The following TENM3 variants were observed in gnomAD, a reference collection of about 807,000 sequenced individuals.
TENM3 encodes the protein teneurin-3.
A neutral mutation model predicts 255.1 loss-of-function variants in TENM3; 63 were observed. That is an observed-to-expected ratio of 0.25 (90% CI 0.20 to 0.30). The LOEUF (loss-of-function observed/expected upper bound fraction) is 0.30. Ranked by LOEUF, TENM3 falls within the 10% of genes least tolerant of loss-of-function variation. The pLI is 1.00. For synonymous variants in TENM3, 1,306 were observed against 1,322.3 expected, an observed-to-expected ratio of 0.99 and a Z score of 0.27; for missense variants, 2,929 against 3,461.1, an observed-to-expected ratio of 0.85 and a Z score of 3.86.
At chr4:182,694,491 AAC>A (rs1286766528) in intron 12 of TENM3, among the ~76,000 whole-genome samples, 2 of 152,332 alleles carry the variant, frequency 1.3e-5, no homozygotes, top group African/African-American at 4.8e-5. Context: ...TAATGTCTCA[AAC>A]ACAGAGTTGT....
At chr4:182,151,395 T>C (rs1750339948) in intron 1 of TENM3, among the ~76,000 whole-genome samples, 1 of 152,140 alleles carries the variant, frequency 6.6e-6, no homozygotes, top group East Asian at 1.9e-4. Context: ...ATGTTCTTTT[T>C]AAAGAGTAAC....
rs189434850 is a variant in TENM3 at position 182,776,531 on chromosome 4, A to C, written c.5304+1378A>C. On this transcript the variant is annotated intron_variant, in intron 24 of 27. Transcript: ENST00000511685. ...TGAGCTTGCTGGATAGTAAAATTTCACTGGAAAGAGGGAGGAGGGGGAAAT... is the reference window on the plus strand; with the variant it reads ...TGAGCTTGCTGGATAGTAAAATTTCCCTGGAAAGAGGGAGGAGGGGGAAAT... Among the ~76,000 whole-genome samples, 145 of 152,310 alleles carry C rather than the reference A, an allele frequency of 9.5e-4. 1 individual carries two copies. Among genetic ancestry groups the C allele is most frequent in the Middle Eastern group, 6.8e-3 (2 of 294 alleles).
At chr4:181,689,828 A>G in the TENM3 span, among the ~76,000 whole-genome samples, 3 of 152,160 alleles carry the variant, frequency 2.0e-5, no homozygotes, top group Non-Finnish European at 4.4e-5. Flanking sequence ...GGTGGCTGTC[A>G]TGGAGGTCGG....
chr4:182,497,350 C>T (rs934726545), intron 3 of TENM3, among the ~76,000 whole-genome samples: 2 of 152,170 alleles, frequency 1.3e-5, no homozygotes, highest in Non-Finnish European at 2.9e-5. Context: ...GGCACCCGGC[C>T]TCACTTACAG....
the TENM3 span, among the ~76,000 whole-genome samples, chr4:181,471,447 C>T: frequency 1.3e-5 from 2 of 152,136 alleles, 1 homozygote; most frequent in East Asian, 3.9e-4. Flanking sequence ...GTTCTCTTCC[C>T]TTCAACTACT....
the TENM3 span, among the ~76,000 whole-genome samples, chr4:181,704,066 G>C: frequency 6.6e-6 from 1 of 152,110 alleles, no homozygotes; most frequent in African/African-American, 2.4e-5. Flanking sequence ...CGGTCATTTG[G>C]CACCTTAAAG....
intron 3 of TENM3, among the ~76,000 whole-genome samples, chr4:182,364,578 G>A (rs535996809): frequency 3.1e-4 from 47 of 151,944 alleles, no homozygotes; most frequent in African/African-American, 8.5e-4. Context: ...CACCACGCCC[G>A]GCTAATTTTT....
rs143576654 is a variant in TENM3, at chr4:182,557,235, C to T, written c.512-43689C>T. Among the ~76,000 whole-genome samples the T allele has an allele frequency of 2.7e-3, 414 of 152,202 alleles. 1 individual carries two copies. The highest frequency in any genetic ancestry group is 9.1e-3 in the African/African-American group (377 of 41,528). On this transcript the variant is annotated intron_variant, in intron 3 of 27. Transcript: ENST00000511685. ...CTGTTCATAGGGTCAGAGCAAACTG[C>T]GGCTTTCAAAAGGATATTAATGGTT...
the TENM3 span, among the ~76,000 whole-genome samples, chr4:181,773,181 T>C: frequency 6.6e-6 from 1 of 152,248 alleles, no homozygotes; most frequent in Non-Finnish European, 1.5e-5. Flanking sequence ...TCCTCAGCCT[T>C]CCCTCAAAAA....
chr4:182,538,211 T>C (rs1740524857), intron 3 of TENM3, among the ~76,000 whole-genome samples: 1 of 152,190 alleles, frequency 6.6e-6, no homozygotes, highest in Non-Finnish European at 1.5e-5. Context: ...AACAATGTTA[T>C]TAACAATTAT....
chr4:181,467,125 A>ATATATATTTTTTTTTT, the TENM3 span, among the ~76,000 whole-genome samples: 4 of 17,604 alleles, frequency 2.3e-4, no homozygotes, highest in East Asian at 1.1e-3. Flanking sequence ...ATATATATAT[A>ATATATATTTTTTTTTT]TTTTTTTTTT....
chr4:182,066,368 T>G, the TENM3 span, among the ~76,000 whole-genome samples: 1 of 152,134 alleles, frequency 6.6e-6, no homozygotes, highest in South Asian at 2.1e-4. Context: ...AAGAAAATAC[T>G]CAGTCTGTAA....
intron 1 of TENM3, among the ~76,000 whole-genome samples, chr4:182,235,190 C>T (rs1756818624): frequency 6.6e-6 from 1 of 152,182 alleles, no homozygotes; most frequent in African/African-American, 2.4e-5. Flanking sequence ...GGATGCCAAA[C>T]ACTTGTGCTT....
intron 1 of TENM3, among the ~76,000 whole-genome samples, chr4:182,161,447 C>T (rs1228785346): frequency 1.5e-5 from 2 of 132,656 alleles, no homozygotes; most frequent in Non-Finnish European, 3.1e-5. Flanking sequence ...ATTAGCTGGG[C>T]GTGGTGGCGC....
At chr4:182,208,401 T>C (rs909725751) in intron 1 of TENM3, among the ~76,000 whole-genome samples, 2 of 152,132 alleles carry the variant, frequency 1.3e-5, no homozygotes, top group Non-Finnish European at 2.9e-5. Flanking sequence ...GCAAACAATT[T>C]CCGTAAAGGG....
chr4:182,755,202 G>T lies in TENM3; in HGVS notation c.4835G>T (p.Gly1612Val), dbSNP rs1051141064. The T allele has an allele frequency of 1.3e-5, 21 of 1,611,836 alleles. No homozygotes were observed. Among genetic ancestry groups the T allele is most frequent in the Non-Finnish European group, 1.6e-5 (19 of 1,179,830 alleles). Residue 1612 changes from glycine to valine, a missense_variant, in exon 22 of 28, where the codon GGC (glycine) becomes GTC (valine). By Grantham distance (109) the Gly-to-Val change is moderately radical. Transcript: ENST00000511685. The part of the protein sequence containing the change: ...GLELVLFTYH[G>V]NSGLLATKSD... ...GAATTAGTTTTGTTTACTTACCATG[G>T]CAATAGTGGCCTTTTAGCCACTAAA...
the TENM3 span, among the ~76,000 whole-genome samples, chr4:181,806,966 C>T: frequency 1.3e-5 from 2 of 152,202 alleles, no homozygotes; most frequent in South Asian, 2.1e-4. Context: ...CTGTCAGGCA[C>T]ACAGTGTAGA....
chr4:181,476,471 A>G, the TENM3 span, among the ~76,000 whole-genome samples: 21 of 152,156 alleles, frequency 1.4e-4, no homozygotes, highest in Admixed American at 6.5e-4. Flanking sequence ...AATATTTTCA[A>G]TGAGCGGCTT....
the TENM3 span, among the ~76,000 whole-genome samples, chr4:181,872,697 G>T: frequency 1.3e-5 from 2 of 151,288 alleles, no homozygotes; most frequent in Non-Finnish European, 2.9e-5. Context: ...TTTTTTTCTT[G>T]ATCAGTCTTG....
Sources: gnomAD v4.1 joint callset for allele counts (sites outside exome capture counted in the v4.1 genomes callset) on GRCh38, gnomAD v4.1.1 for gene constraint, MANE v1.5 for transcripts, NCBI Gene and HGNC (gene_info 2026-07-23, HGNC 2026-07-21) for gene names.